Variants in MEST observed in about 807,000 individuals in gnomAD.
MEST encodes the protein mesoderm specific transcript.
MEST carries 18 observed loss-of-function variants against 50.9 expected under a neutral mutation model. The observed-to-expected ratio is 0.35, with a 90% CI of 0.24 to 0.52. MEST has a LOEUF of 0.52. Ranked by LOEUF, MEST falls within the 20% of genes least tolerant of loss-of-function variation. MEST has a pLI of 0.94. For synonymous variants in MEST, 130 were observed against 154.1 expected (o/e 0.84, Z 1.16); for missense variants, 282 against 425.3 (o/e 0.66, Z 2.96).
chr7:130,500,711 T>C lies in MEST; in HGVS notation c.648-78T>C. ...GTCAGACTGCATGGCCCAGACTGCA[T>C]GGCCTCTGAGGTTCCAGCCATATTG... is the stretch of plus-strand genomic sequence containing the variant. On this transcript the variant is annotated intron_variant, in intron 8 of 11. Transcript: ENST00000223215. The surrounding 1 kb of genome is among the most constrained non-coding windows in gnomAD (Gnocchi z 5.0). 7.6e-7 allele frequency: 1 copy of C among 1,316,164 alleles called. No individual in the cohort carries two copies. The highest frequency in any genetic ancestry group is 1.4e-5 in the South Asian group (1 of 73,244). The allele number at this position is 1,316,164 out of a possible 1,614,324, so 81.5% of individuals were successfully genotyped here. A position where few individuals can be genotyped will look rare whatever the true frequency, so the allele number is the denominator to read the frequency against.
Position 130,500,708 on chromosome 7 carries a change from G to C in MEST, c.648-81G>C. On this transcript the variant is annotated intron_variant, in intron 8 of 11. Transcript: ENST00000223215. This position sits in a 1 kb window ranked among gnomAD's most constrained non-coding sequence, Gnocchi z 5.0. ...TGGGTCAGACTGCATGGCCCAGACT[G>C]CATGGCCTCTGAGGTTCCAGCCATA... 1 of 1,290,590 alleles carries C rather than the reference G, an allele frequency of 7.7e-7. No homozygotes were observed. The highest frequency in any genetic ancestry group is 1.1e-6 in the Non-Finnish European group (1 of 918,830). The allele number at this position is 1,290,590 out of a possible 1,614,324, so 79.9% of individuals were successfully genotyped here.
At chr7:130,504,810 G>C in intron 11 of MEST, 129 bp from the exon 12 acceptor site, 1 of 622,382 alleles carries the variant, frequency 1.6e-6, no homozygotes, top group Non-Finnish European at 2.9e-6. Flanking sequence ...AGAGTAGAAG[G>C]TGAATAAGCT....
upstream of MEST, chr7:130,490,884 A>G (rs1342239309): frequency 6.6e-6 from 1 of 152,316 alleles, no homozygotes; most frequent in Non-Finnish European, 1.5e-5. Context: ...TATAGGCGGT[A>G]GTTTCCTCAG....
rs1356431092 is a variant in MEST at position 130,492,569 on chromosome 7, C to T, written c.26+230C>T. ...ACCTCCTTGGGTTAGGATTTCTAGA[C>T]CCCGGGATCGTCGTGGTGAGATTTA... is the stretch of plus-strand genomic sequence containing the variant. On this transcript the variant is annotated intron_variant, in intron 1 of 11. Transcript: ENST00000223215. This position sits in a 1 kb window ranked among gnomAD's most constrained non-coding sequence, Gnocchi z 7.6. The T allele has an allele frequency of 7.8e-6, 3 of 382,370 alleles. No homozygotes were observed. Among genetic ancestry groups the T allele is most frequent in the Non-Finnish European group, 1.4e-5 (3 of 216,410 alleles). The allele number at this position is 382,370 out of a possible 1,614,324, so 23.7% of individuals were successfully genotyped here. A position where few individuals can be genotyped will look rare whatever the true frequency, so the allele number is the denominator to read the frequency against.
At chr7:130,489,113 A>G (rs974587091), upstream of MEST, 1 of 152,170 alleles carries the variant, frequency 6.6e-6, no homozygotes, top group East Asian at 1.9e-4. Flanking sequence ...GGTTAGAAAA[A>G]TATGGTTCTT....
In MEST at chr7:130,497,462, C is replaced by G; in HGVS notation, c.261+227C>G. On this transcript the variant is annotated intron_variant, in intron 3 of 11. Transcript: ENST00000223215. This position sits in a 1 kb window ranked among gnomAD's most constrained non-coding sequence, Gnocchi z 4.0. ...ATCCCAGCTACTTGGGAGGCTGAGG[C>G]AGGAGAATCGCTTGAACCCGGGAGG... 1 of 313,694 alleles carries G rather than the reference C, an allele frequency of 3.2e-6. No homozygotes were observed. The highest frequency in any genetic ancestry group is 5.9e-6 in the Non-Finnish European group (1 of 170,014). 19.4% of individuals were successfully genotyped at this position (313,694 alleles called of 1,614,324 possible).
Position 130,498,255 on chromosome 7 carries a change from T to C in MEST, c.456T>C (p.Val152=), listed in dbSNP as rs1799143760. The C allele has an allele frequency of 1.2e-6, 2 of 1,614,126 alleles. No homozygotes were observed. The highest frequency in any genetic ancestry group is 1.1e-5 in the South Asian group (1 of 91,082). ...NLLSHDYGDI[V]AQELLYRYKQ... is the part of the protein sequence containing the mutation. Reference sequence around the variant, plus strand: ...TTTCTCATGACTATGGAGATATTGTTGCTCAGGAGCTTCTCTACAGGTCAG... The same window carrying C: ...TTTCTCATGACTATGGAGATATTGTCGCTCAGGAGCTTCTCTACAGGTCAG... Residue 152 remains valine (V), a synonymous_variant, in exon 5 of 12, where the codon GTT becomes GTC. Transcript: ENST00000223215.
intron 10 of MEST, 83 bp from the exon 11 acceptor site, chr7:130,503,845 ATTTCT>A (rs1799369364): frequency 1.0e-6 from 1 of 1,001,216 alleles, no homozygotes; most frequent in African/African-American, 1.6e-5. Context: ...AGAAGAAAAC[ATTTCT>A]TTTCGGAGAG....
intron 2 of MEST, chr7:130,495,822 A>T: frequency 4.0e-6 from 1 of 250,036 alleles, no homozygotes; most frequent in Non-Finnish European, 7.6e-6. Context: ...TATATAAAAT[A>T]TTAATAGATA....
upstream of MEST, chr7:130,491,931 G>A (rs1798829063): frequency 6.3e-6 from 1 of 158,724 alleles, no homozygotes; most frequent in Non-Finnish European, 1.4e-5. This position sits in a 1 kb window ranked among gnomAD's most constrained non-coding sequence, Gnocchi z 6.8. Flanking sequence ...ACTGTTAGAG[G>A]GGCACCCCAT....
intron 6 of MEST, 55 bp from the exon 7 acceptor site, chr7:130,499,819 TA>T (rs371366670): frequency 0.05 from 57,357 of 1,142,770 alleles, 35 homozygotes; most frequent in African/African-American, 0.061. Context: ...CCCGTCTCTA[TA>T]AAAAAAAAAA....
chr7:130,497,481 C>T lies in MEST; in HGVS notation c.261+246C>T, dbSNP rs554319904. 46 of 287,916 alleles carry T rather than the reference C, an allele frequency of 1.6e-4. No homozygotes were observed. In the South Asian group the frequency reaches 2.1e-3, roughly 13 times the overall value. The allele number at this position is 287,916 out of a possible 1,614,324, so 17.8% of individuals were successfully genotyped here. On this transcript the variant is annotated intron_variant, in intron 3 of 11. Coordinates refer to ENST00000223215, the MANE Select transcript of MEST (RefSeq NM_002402.4). The surrounding 1 kb of genome is among the most constrained non-coding windows in gnomAD (Gnocchi z 4.0). ...CTGAGGCAGGAGAATCGCTTGAACC[C>T]GGGAGGCAGAGGTTGCAGTGAGCTG...
chr7:130,504,969 T>A lies in MEST; in HGVS notation c.921T>A (p.Ile307=). The change falls in exon 12 of 12, where the codon ATT becomes ATA. Residue 307 remains isoleucine, a synonymous_variant. Transcript: ENST00000223215. ...CGCTGCCGCGGTCCACAGTGTCGATTCTGGATGACCACATTAGCCACTATC... is the reference window on the plus strand; with the variant it reads ...CGCTGCCGCGGTCCACAGTGTCGATACTGGATGACCACATTAGCCACTATC... ...RKTLPRSTVS[I]LDDHISHYPQ... is the part of the protein sequence containing the mutation. 1 of 1,613,846 alleles carries A rather than the reference T, an allele frequency of 6.2e-7. No individual in the cohort carries two copies. Among genetic ancestry groups the A allele is most frequent in the Non-Finnish European group, 8.5e-7 (1 of 1,179,782 alleles).
rs2072573 is a variant in MEST at position 130,497,061 on chromosome 7, G to T, written c.182-95G>T. The T allele has an allele frequency of 0.53, 517,513 of 983,648 alleles. 140,216 individuals carry two copies. Among genetic ancestry groups the T allele is most frequent in the East Asian group, 0.61 (22,694 of 37,420 alleles). The allele number at this position is 983,648 out of a possible 1,614,324, so 60.9% of individuals were successfully genotyped here. A position where few individuals can be genotyped will look rare whatever the true frequency, so the allele number is the denominator to read the frequency against. On this transcript the variant is annotated intron_variant, in intron 2 of 11. Coordinates refer to ENST00000223215, the MANE Select transcript of MEST (RefSeq NM_002402.4). This position sits in a 1 kb window ranked among gnomAD's most constrained non-coding sequence, Gnocchi z 4.0. ...TTTTAATGTCAATTTGGTCACAGTTGCTTGTTCTTTGTATCAGATTACTTA... is the reference window on the plus strand; with the variant it reads ...TTTTAATGTCAATTTGGTCACAGTTTCTTGTTCTTTGTATCAGATTACTTA...
chr7:130,502,000 GA>G (rs374308764), intron 9 of MEST, among the ~76,000 whole-genome samples: 24 of 145,810 alleles, frequency 1.6e-4, no homozygotes, highest in African/African-American at 3.9e-4. Context: ...AAAAAAAAAA[GA>G]AAAAAAAAAA....
In MEST at chr7:130,497,649, A is replaced by G. The variant is rs899610798; in HGVS notation, c.262-287A>G. ...TCTTGCACATTTGAATTGCTTTTAA[A>G]AAAACATTAAATGTTGAACTGTTCC... On this transcript the variant is annotated intron_variant, in intron 3 of 11. Transcript: ENST00000223215. The surrounding 1 kb of genome is among the most constrained non-coding windows in gnomAD (Gnocchi z 4.0). 17 of 385,570 alleles carry G rather than the reference A, an allele frequency of 4.4e-5. No individual in the cohort carries two copies. Among genetic ancestry groups the G allele is most frequent in the Middle Eastern group, 7.1e-4 (1 of 1,416 alleles). The allele number at this position is 385,570 out of a possible 1,614,324, so 23.9% of individuals were successfully genotyped here.
At position 130,505,310 on chromosome 7, in the gene MEST, T is replaced by C; in HGVS notation, c.*254T>C. Reference sequence around the variant, plus strand: ...AGACTTGGCTTTGTTTTTTGTGCTATTAGGAAATTCTGATGAGCATTACTA... The same window carrying C: ...AGACTTGGCTTTGTTTTTTGTGCTACTAGGAAATTCTGATGAGCATTACTA... On this transcript the variant is annotated 3_prime_UTR_variant, in exon 12 of 12. Transcript: ENST00000223215. 9.5e-6 allele frequency: 3 copies of C among 315,952 alleles called. No individual in the cohort carries two copies. Among genetic ancestry groups the C allele is most frequent in the Non-Finnish European group, 1.2e-5 (2 of 168,708 alleles). 19.6% of individuals were successfully genotyped at this position (315,952 alleles called of 1,614,324 possible). A position where few individuals can be genotyped will look rare whatever the true frequency, so the allele number is the denominator to read the frequency against.
At chr7:130,504,700 A>G (rs184106808) in intron 11 of MEST, among the ~76,000 whole-genome samples, 2 of 152,308 alleles carry the variant, frequency 1.3e-5, no homozygotes. Context: ...TTGTTGCAAA[A>G]GTGTTATATT....
intron 1 of MEST, among the ~76,000 whole-genome samples, chr7:130,493,614 A>G (rs1554436037): frequency 1.3e-5 from 2 of 152,078 alleles, no homozygotes. Flanking sequence ...GTTGGTCGAT[A>G]GCCTCGTTTT....
Sources: allele counts gnomAD v4.1 joint callset (sites outside exome capture counted in the v4.1 genomes callset), GRCh38; gene constraint gnomAD v4.1.1; non-coding constraint Gnocchi (gnomAD v3.1); transcripts MANE v1.5; gene names NCBI Gene and HGNC (gene_info 2026-07-23, HGNC 2026-07-21).